Variants in ZNF749 observed in about 807,000 individuals in gnomAD.
ZNF749 encodes the protein zinc finger protein 749.
In ZNF749, 8 loss-of-function variants were observed where a neutral mutation model predicts 7.3. The ratio of observed to expected loss-of-function variants is 1.10; its 90% CI spans 0.64 to 1.98. ZNF749 has a LOEUF of 1.98. Ranked by LOEUF, ZNF749 falls within the 30% of genes most tolerant of loss-of-function variation. The probability of loss-of-function intolerance (pLI) is 0.00; values close to 1 mark genes in which losing one functional copy is unlikely to be tolerated. For missense variants in ZNF749, 898 were observed against 932.4 expected, an observed-to-expected ratio of 0.96 and a Z score of 0.48; for synonymous variants, 310 against 322.4, an observed-to-expected ratio of 0.96 and a Z score of 0.41.
In ZNF749 at chr19:57,441,995, G is replaced by A. The variant is rs751499526; in HGVS notation, c.126G>A (p.Ala42=). The A allele has an allele frequency of 6.3e-5, 102 of 1,614,016 alleles. No homozygotes were observed. In the East Asian group the frequency reaches 9.6e-4, roughly 15 times the overall value. The change falls in exon 2 of 3, where the codon GCG becomes GCA. Residue 42 remains alanine, a synonymous_variant. Coordinates refer to ENST00000334181, the MANE Select transcript of ZNF749 (RefSeq NM_001023561.4). Reference sequence around the variant, plus strand: ...GCAATGTGATGTTGGAGAACTTTGCGCTTTTGTCATCAGTAGGTAAGGCCT... The same window carrying A: ...GCAATGTGATGTTGGAGAACTTTGCACTTTTGTCATCAGTAGGTAAGGCCT... ...LHSNVMLENF[A]LLSSVGCWHG... is the part of the protein sequence containing the mutation.
upstream of ZNF749, among the ~76,000 whole-genome samples, chr19:57,433,717 A>G (rs958416676): frequency 2.6e-5 from 4 of 151,568 alleles, no homozygotes; most frequent in Admixed American, 1.3e-4. Flanking sequence ...ATGGGTTTTA[A>G]TTTTTGGTCT....
rs970181616 is a variant in ZNF749 at position 57,436,079 on chromosome 19, AGATAGG to A, written c.15+488_15+493del. Reference sequence around the variant, plus strand: ...TGATGAGACTCTGGATGGATCTCAGAGATAGGGTCAACAGGATTTCCTGCTGCATCA... The same window carrying A: ...TGATGAGACTCTGGATGGATCTCAGAGTCAACAGGATTTCCTGCTGCATCA... On this transcript the variant is annotated intron_variant, in intron 1 of 2. Transcript: ENST00000334181. This position sits in a 1 kb window ranked among gnomAD's most constrained non-coding sequence, Gnocchi z 4.0. 1.3e-5 allele frequency among the ~76,000 whole-genome samples: 2 copies of A among 152,206 alleles called. No homozygotes were observed. Among genetic ancestry groups the A allele is most frequent in the Admixed American group, 1.3e-4 (2 of 15,288 alleles).
At chr19:57,433,435 G>C (rs1600100064), upstream of ZNF749, among the ~76,000 whole-genome samples, 1 of 152,038 alleles carries the variant, frequency 6.6e-6, no homozygotes, top group Non-Finnish European at 1.5e-5. Context: ...TTTTATATTT[G>C]GTGTAGCCGT....
chr19:57,444,242 A>G lies in ZNF749; in HGVS notation c.1094A>G (p.Asp365Gly), dbSNP rs780741761. Residue 365 changes from aspartate to glycine, a missense_variant, in exon 3 of 3, where the codon GAC becomes GGC. Asp to Gly is a moderately conservative substitution (Grantham distance 94). Transcript: ENST00000334181. ...AGTGAATGTGGGAAATTGTTTATGG[A>G]CAGCTTCACACTCGGTAGACATCAG... The part of the protein sequence containing the change: ...ECSECGKLFM[D>G]SFTLGRHQRV... 2 of 1,614,120 alleles carry G rather than the reference A, an allele frequency of 1.2e-6. No homozygotes were observed. Among genetic ancestry groups the G allele is most frequent in the South Asian group, 2.2e-5 (2 of 91,066 alleles).
In ZNF749 at chr19:57,435,414, C is replaced by T; in HGVS notation, c.-165C>T. On this transcript the variant is annotated 5_prime_UTR_variant, in exon 1 of 3. Coordinates refer to ENST00000334181, the MANE Select transcript of ZNF749 (RefSeq NM_001023561.4). ...AGGGTCCCAGAGCTCTGGGTCGGGA[C>T]TGAGGTGAAAGAGCGGAAAAACGCG... 2.9e-6 allele frequency: 3 copies of T among 1,022,216 alleles called. No individual in the cohort carries two copies. Among genetic ancestry groups the T allele is most frequent in the South Asian group, 1.4e-5 (1 of 69,796 alleles). 63.3% of individuals were successfully genotyped at this position (1,022,216 alleles called of 1,614,324 possible).
Position 57,446,121 on chromosome 19 carries a change from G to A in ZNF749, c.*636G>A, listed in dbSNP as rs2123113040. Among the ~76,000 whole-genome samples the A allele has an allele frequency of 6.6e-6, 1 of 152,242 alleles. No homozygotes were observed. Among genetic ancestry groups the A allele is most frequent in the Non-Finnish European group, 1.5e-5 (1 of 68,010 alleles). Reference sequence around the variant, plus strand: ...ACCAGGGGTCCACAACCCCCAGGCTGCAAACTGGTACCAGTCTGTGGCCTG... The same window carrying A: ...ACCAGGGGTCCACAACCCCCAGGCTACAAACTGGTACCAGTCTGTGGCCTG... On this transcript the variant is annotated 3_prime_UTR_variant, in exon 3 of 3. Transcript: ENST00000334181.
chr19:57,431,408 A>G (rs1443246752), upstream of ZNF749, among the ~76,000 whole-genome samples: 2 of 152,244 alleles, frequency 1.3e-5, no homozygotes, highest in Non-Finnish European at 2.9e-5. Flanking sequence ...AAACCTAAAC[A>G]CTAGAATTGT....
In ZNF749 at chr19:57,439,065, G is replaced by A. The variant is rs1000085993; in HGVS notation, c.16-2820G>A. On this transcript the variant is annotated intron_variant, in intron 1 of 2. Transcript: ENST00000334181. This position sits in a 1 kb window ranked among gnomAD's most constrained non-coding sequence, Gnocchi z 4.3. ...TTTCATCTGAGGGCGATGGTAACTA[G>A]GGAAGGTTTGAGGAGGGGGGAAAAA... is the stretch of plus-strand genomic sequence containing the variant. 2.0e-5 allele frequency among the ~76,000 whole-genome samples: 3 copies of A among 152,102 alleles called. No homozygotes were observed. The highest frequency in any genetic ancestry group is 4.8e-5 in the African/African-American group (2 of 41,426).
At chr19:57,435,169 C>T (rs2088920895), upstream of ZNF749, among the ~76,000 whole-genome samples, 1 of 152,202 alleles carries the variant, frequency 6.6e-6, no homozygotes, top group African/African-American at 2.4e-5. Context: ...AGGCAGGCAG[C>T]AGCGTGGGAA....
Position 57,444,264 on chromosome 19 carries a change from T to C in ZNF749, c.1116T>C (p.His372=), listed in dbSNP as rs769210270. Residue 372 remains histidine (H), a synonymous_variant, in exon 3 of 3, where the codon CAT becomes CAC. Coordinates refer to ENST00000334181, the MANE Select transcript of ZNF749 (RefSeq NM_001023561.4). The part of the protein sequence containing the change: ...LFMDSFTLGR[H]QRVHTGERPF... ...TGGACAGCTTCACACTCGGTAGACA[T>C]CAGAGAGTTCATACTGGAGAAAGGC... 1.9e-6 allele frequency: 3 copies of C among 1,614,156 alleles called. No individual in the cohort carries two copies. Among genetic ancestry groups the C allele is most frequent in the Non-Finnish European group, 2.5e-6 (3 of 1,180,026 alleles).
rs2088997154 is a variant in ZNF749, at chr19:57,442,085, C to G, written c.142+74C>G. On this transcript the variant is annotated intron_variant, in intron 2 of 2. Coordinates refer to ENST00000334181, the MANE Select transcript of ZNF749 (RefSeq NM_001023561.4). This position sits in a 1 kb window ranked among gnomAD's most constrained non-coding sequence, Gnocchi z 6.6. ...TTGCTCTTTTCCATGACAACTCTGTCTTTCCCACACCAGATTGTGAGTGCT... is the reference window on the plus strand; with the variant it reads ...TTGCTCTTTTCCATGACAACTCTGTGTTTCCCACACCAGATTGTGAGTGCT... 1.9e-6 allele frequency: 3 copies of G among 1,564,928 alleles called. No individual in the cohort carries two copies. The highest frequency in any genetic ancestry group is 3.6e-5 in the Admixed American group (2 of 54,838).
At chr19:57,433,597 G>GTTGGGCAGAGTTAA (rs2088910098), upstream of ZNF749, among the ~76,000 whole-genome samples, 1 of 148,376 alleles carries the variant, frequency 6.7e-6, no homozygotes, top group Non-Finnish European at 1.5e-5. Flanking sequence ...CAGACCTTCA[G>GTTGGGCAGAGTTAA]TTGGGCAGAG....
At chr19:57,440,224 C>G (rs190558760) in intron 1 of ZNF749, among the ~76,000 whole-genome samples, 1 of 151,922 alleles carries the variant, frequency 6.6e-6, no homozygotes, top group Non-Finnish European at 1.5e-5. Context: ...AACTGTGAGA[C>G]TACTTTAGGG....
At chr19:57,429,292 C>G in the ZNF749 span, among the ~76,000 whole-genome samples, 1 of 152,204 alleles carries the variant, frequency 6.6e-6, no homozygotes, top group African/African-American at 2.4e-5. The surrounding 1 kb of genome is among the most constrained non-coding windows in gnomAD (Gnocchi z 4.2). Context: ...TCCCAAAGTA[C>G]TGGGATTACA....
upstream of ZNF749, among the ~76,000 whole-genome samples, chr19:57,430,367 G>A (rs1177867307): frequency 6.6e-6 from 1 of 152,150 alleles, no homozygotes; most frequent in Non-Finnish European, 1.5e-5. Flanking sequence ...CTATGAGGGT[G>A]GAGCCCTCAT....
chr19:57,437,637 T>C (rs1279105807), intron 1 of ZNF749, among the ~76,000 whole-genome samples: 1 of 150,358 alleles, frequency 6.7e-6, no homozygotes, highest in South Asian at 2.1e-4. Context: ...GGCAGGAGAA[T>C]CGTTTGAACC....
rs761113951 is a variant in ZNF749, at chr19:57,444,210, C to T, written c.1062C>T (p.Tyr354=). Residue 354 remains tyrosine, a synonymous_variant, in exon 3 of 3, where the codon TAC becomes TAT. Transcript: ENST00000334181. ...AAGTTCACACTGGGGAGAGGCGTTA[C>T]GAGTGCAGTGAATGTGGGAAATTGT... ...HQKVHTGERR[Y]ECSECGKLFM... The T allele has an allele frequency of 9.3e-6, 15 of 1,613,916 alleles. No individual in the cohort carries two copies. Among genetic ancestry groups the T allele is most frequent in the Admixed American group, 1.7e-5 (1 of 59,990 alleles).
chr19:57,444,791 G>A lies in ZNF749; in HGVS notation c.1643G>A (p.Arg548Lys). ...AGGTCTGACCTCATTCAACACAAGA[G>A]GATTGACCTCAGGCCAAGGCCTTAT... ...SKRSDLIQHKRIDLRPRPYVC... is the reference protein window; with the variant it reads ...SKRSDLIQHKKIDLRPRPYVC... Residue 548 changes from arginine (R) to lysine (K), a missense_variant, in exon 3 of 3, where the codon AGG (arginine) becomes AAG (lysine). By Grantham distance (26) the Arg-to-Lys change is conservative. Transcript: ENST00000334181. 1.9e-6 allele frequency: 3 copies of A among 1,614,078 alleles called. No homozygotes were observed. The highest frequency in any genetic ancestry group is 2.2e-5 in the South Asian group (2 of 91,080).
In ZNF749 at chr19:57,442,050, T is replaced by C; in HGVS notation, c.142+39T>C. Reference sequence around the variant, plus strand: ...ACCTACTCTGGTGTCTTGTGCTGGGTGCTGTTTTTTTGCTCTTTTCCATGA... The same window carrying C: ...ACCTACTCTGGTGTCTTGTGCTGGGCGCTGTTTTTTTGCTCTTTTCCATGA... On this transcript the variant is annotated intron_variant, in intron 2 of 2. Coordinates refer to ENST00000334181, the MANE Select transcript of ZNF749 (RefSeq NM_001023561.4). This position sits in a 1 kb window ranked among gnomAD's most constrained non-coding sequence, Gnocchi z 6.6. The C allele has an allele frequency of 6.3e-7, 1 of 1,599,842 alleles. No homozygotes were observed. The highest frequency in any genetic ancestry group is 8.5e-7 in the Non-Finnish European group (1 of 1,172,728).
Sources: allele counts gnomAD v4.1 joint callset (sites outside exome capture counted in the v4.1 genomes callset), GRCh38; gene constraint gnomAD v4.1.1; non-coding constraint Gnocchi (gnomAD v3.1); transcripts MANE v1.5; gene names NCBI Gene and HGNC (gene_info 2026-07-23, HGNC 2026-07-21).